The following SGCD variants were observed in gnomAD, a reference collection of about 807,000 sequenced individuals.
SGCD encodes delta-sarcoglycan.
SGCD carries 18 observed loss-of-function variants against 36.6 expected under a neutral mutation model. The ratio of observed to expected loss-of-function variants is 0.49; its 90% CI spans 0.34 to 0.73. SGCD has a LOEUF of 0.73. Ranked by LOEUF, SGCD falls within the 30% of genes least tolerant of loss-of-function variation. SGCD has a pLI of 0.01. For missense variants in SGCD, 387 were observed against 346.7 expected, an observed-to-expected ratio of 1.12 and a Z score of -0.92; for synonymous variants, 133 against 130.6, an observed-to-expected ratio of 1.02 and a Z score of -0.12.
At chr5:155,993,904 A>G (rs1255666812) in intron 1 of SGCD, among the ~76,000 whole-genome samples, 1 of 152,206 alleles carries the variant, frequency 6.6e-6, no homozygotes, top group Non-Finnish European at 1.5e-5. Flanking sequence ...CAGTTGAAAC[A>G]GACATGAAAG....
At chr5:155,926,423 A>G (rs1260401945) in intron 1 of SGCD, among the ~76,000 whole-genome samples, 3 of 152,254 alleles carry the variant, frequency 2.0e-5, no homozygotes, top group South Asian at 2.1e-4. Flanking sequence ...CTTTAGCAAA[A>G]CAATGGTAAT....
chr5:156,727,685 C>G (rs199820030), intron 7 of SGCD, among the ~76,000 whole-genome samples: 1 of 59,212 alleles, frequency 1.7e-5, no homozygotes, highest in African/African-American at 4.1e-5. Context: ...TTCTGTCTAT[C>G]TTGGTTTCTT....
intron 2 of SGCD, among the ~76,000 whole-genome samples, chr5:156,337,345 C>A (rs1217563824): frequency 6.6e-6 from 1 of 152,156 alleles, no homozygotes; most frequent in Non-Finnish European, 1.5e-5. Flanking sequence ...AAAATAAAAA[C>A]TTACTTGATT....
At chr5:156,174,661 G>C (rs757602198) in intron 3 of SGCD, among the ~76,000 whole-genome samples, 17 of 152,148 alleles carry the variant, frequency 1.1e-4, no homozygotes, top group African/African-American at 2.4e-5. Flanking sequence ...CACAATATAG[G>C]GTTATGGTAC....
In SGCD at chr5:156,447,577, G is replaced by A. The variant is rs76170894; in HGVS notation, c.193-61024G>A. Among the ~76,000 whole-genome samples, 627 of 152,250 alleles carry A rather than the reference G, an allele frequency of 4.1e-3. 4 individuals are homozygous for A. Among genetic ancestry groups the A allele is most frequent in the Non-Finnish European group, 7.0e-3 (474 of 68,024 alleles). On this transcript the variant is annotated intron_variant, in intron 3 of 8. Transcript: ENST00000337851. ...GGAAACATATTTTAAAAGTCACAGTGTTCTCACAAGTAGGAGCCGAACAAC... is the reference window on the plus strand; with the variant it reads ...GGAAACATATTTTAAAAGTCACAGTATTCTCACAAGTAGGAGCCGAACAAC...
intron 3 of SGCD, among the ~76,000 whole-genome samples, chr5:156,424,598 A>G (rs1773582335): frequency 6.6e-6 from 1 of 152,092 alleles, no homozygotes; most frequent in African/African-American, 2.4e-5. Context: ...GCAGAGATAA[A>G]TACATTTATT....
intron 1 of SGCD, among the ~76,000 whole-genome samples, chr5:155,935,839 C>T (rs568381978): frequency 6.6e-6 from 1 of 152,340 alleles, no homozygotes; most frequent in Admixed American, 6.5e-5. Flanking sequence ...AGCATGGATC[C>T]ATCGCCTGCC....
chr5:156,018,739 C>G (rs530294603), intron 1 of SGCD, among the ~76,000 whole-genome samples: 1 of 152,150 alleles, frequency 6.6e-6, no homozygotes, highest in East Asian at 1.9e-4. Flanking sequence ...CTAAAATGTG[C>G]GTAATTTTGT....
chr5:156,657,219 C>CT (rs571128334), intron 7 of SGCD, among the ~76,000 whole-genome samples: 28 of 146,168 alleles, frequency 1.9e-4, no homozygotes, highest in Admixed American at 2.0e-4. Context: ...AATAGTCTGA[C>CT]TTTTTTTTTT....
At chr5:156,229,761 A>G (rs1350286122) in intron 3 of SGCD, among the ~76,000 whole-genome samples, 2 of 151,996 alleles carry the variant, frequency 1.3e-5, no homozygotes. Flanking sequence ...ATATTTTCCA[A>G]ACTTTTAGAT....
chr5:156,156,388 G>T (rs1416472156), intron 3 of SGCD, among the ~76,000 whole-genome samples: 2 of 151,582 alleles, frequency 1.3e-5, no homozygotes, highest in African/African-American at 4.9e-5. Context: ...CAGCATTTTG[G>T]GAAGCTGAGG....
intron 5 of SGCD, among the ~76,000 whole-genome samples, chr5:156,592,273 G>C (rs1760753936): frequency 6.6e-6 from 1 of 151,996 alleles, no homozygotes; most frequent in Admixed American, 6.6e-5. Flanking sequence ...CTCGCCCTGT[G>C]CCCATCCTGA....
At chr5:155,936,172 A>T (rs533423826) in intron 1 of SGCD, among the ~76,000 whole-genome samples, 6 of 152,244 alleles carry the variant, frequency 3.9e-5, no homozygotes, top group African/African-American at 1.4e-4. Flanking sequence ...TCTTCTCGGC[A>T]TCTGCAATGT....
At chr5:156,069,351 GT>G (rs1309667497) in intron 1 of SGCD, among the ~76,000 whole-genome samples, 1 of 152,050 alleles carries the variant, frequency 6.6e-6, no homozygotes, top group Non-Finnish European at 1.5e-5. Flanking sequence ...TGGCTAGCCA[GT>G]TTTCCCAGCA....
Position 156,049,232 on chromosome 5 carries a change from G to T in SGCD, c.-281-68646G>T, listed in dbSNP as rs572902995. On this transcript the variant is annotated intron_variant, in intron 1 of 9. Transcript: ENST00000517913. ...ATGCTGTTTTGGTTACTGTAGGCTTGTAGTACAGTTTGAAGTCAGGTAGTG... is the reference window on the plus strand; with the variant it reads ...ATGCTGTTTTGGTTACTGTAGGCTTTTAGTACAGTTTGAAGTCAGGTAGTG... Among the ~76,000 whole-genome samples the T allele has an allele frequency of 1.4e-4, 21 of 146,338 alleles. 1 individual carries two copies. The South Asian group carries it at 4.5e-3, about 32-fold the overall frequency.
the SGCD span, among the ~76,000 whole-genome samples, chr5:155,743,764 A>G: frequency 6.6e-6 from 1 of 152,240 alleles, no homozygotes; most frequent in Non-Finnish European, 1.5e-5. Context: ...CTGAAGCCAA[A>G]GTGGGAAGTG....
chr5:156,613,924 C>G (rs280460), intron 6 of SGCD, among the ~76,000 whole-genome samples: 39,329 of 152,076 alleles, frequency 0.26, 5,132 homozygotes, highest in East Asian at 0.31. Context: ...CACAACAACC[C>G]TATTAGGAGG....
In SGCD at chr5:155,913,575, A is replaced by G. The variant is rs1756675739; in HGVS notation, c.-282+43151A>G. Among the ~76,000 whole-genome samples, 3 of 151,444 alleles carry G rather than the reference A, an allele frequency of 2.0e-5. No homozygotes were observed. The South Asian group carries it at 6.2e-4, about 31-fold the overall frequency. Reference sequence around the variant, plus strand: ...AATATATTCAATTAAAAACGTTATCATATATTATCCCTTCTTGTTATTTAA... The same window carrying G: ...AATATATTCAATTAAAAACGTTATCGTATATTATCCCTTCTTGTTATTTAA... On this transcript the variant is annotated intron_variant, in intron 1 of 9. Coordinates refer to the SGCD transcript ENST00000517913.
At chr5:156,223,619 A>G (rs1429000200) in intron 3 of SGCD, among the ~76,000 whole-genome samples, 3 of 152,090 alleles carry the variant, frequency 2.0e-5, no homozygotes, top group Non-Finnish European at 2.9e-5. Flanking sequence ...GTTTGGATTT[A>G]GCTTGAATTT....
Sources: allele counts gnomAD v4.1 joint callset (sites outside exome capture counted in the v4.1 genomes callset), GRCh38; gene constraint gnomAD v4.1.1; transcripts MANE v1.5; gene names NCBI Gene and HGNC (gene_info 2026-07-23, HGNC 2026-07-21).